The following IST1 variants were observed in gnomAD, a reference collection of about 807,000 sequenced individuals.
IST1 encodes IST1 homolog.
In IST1, 23 loss-of-function variants were observed where a neutral mutation model predicts 37.0. That is an observed-to-expected ratio of 0.62 (90% CI 0.45 to 0.88). The LOEUF (loss-of-function observed/expected upper bound fraction) is 0.88, where lower values mean the gene tolerates loss of function less well. Ranked by LOEUF, IST1 falls within the 40% of genes least tolerant of loss-of-function variation. The pLI, the probability that IST1 is intolerant of heterozygous loss-of-function variation, is 0.00. For missense variants in IST1, 488 were observed against 445.4 expected (o/e 1.10, Z -0.86); for synonymous variants, 180 against 161.7 (o/e 1.11, Z -0.86).
At chr16:71,897,846 G>A (rs2037010219) in intron 1 of IST1, among the ~76,000 whole-genome samples, 2 of 152,184 alleles carry the variant, frequency 1.3e-5, no homozygotes, top group South Asian at 4.1e-4. Context: ...TCCAAAGGCT[G>A]AGGTAGGAGA....
intron 1 of IST1, among the ~76,000 whole-genome samples, chr16:71,899,986 G>A (rs1201291471): frequency 7.7e-6 from 1 of 129,464 alleles, no homozygotes; most frequent in Non-Finnish European, 1.6e-5. Flanking sequence ...GACAGAACAA[G>A]ACTCTGTCTC....
chr16:71,906,148 C>T (rs1168304734), intron 1 of IST1, among the ~76,000 whole-genome samples: 8 of 151,296 alleles, frequency 5.3e-5, no homozygotes, highest in African/African-American at 7.3e-5. Context: ...AGACTACAGG[C>T]GAGTGCCACT....
intron 1 of IST1, among the ~76,000 whole-genome samples, chr16:71,896,596 CT>C (rs1190405632): frequency 6.6e-6 from 1 of 151,964 alleles, no homozygotes; most frequent in African/African-American, 2.4e-5. Context: ...CAGTAGAAGC[CT>C]TTTGGCTTTT....
intron 6 of IST1, 102 bp downstream of exon 6, chr16:71,921,555 T>A (rs2037585516): frequency 2.8e-6 from 2 of 708,720 alleles, no homozygotes; most frequent in Admixed American, 4.8e-5. Context: ...TTGTGTGAGT[T>A]TAAGCCTTTG....
Position 71,929,502 on chromosome 16 carries a change from G to C in IST1, c.*1689G>C. ...GCCATGCAAAGATAAGTAGTAATAC[G>C]CTAATAAATACTAAGCCAAGTAGGA... On this transcript the variant is annotated 3_prime_UTR_variant, in exon 10 of 10. Transcript: ENST00000378799. 2.0e-6 allele frequency: 3 copies of C among 1,515,580 alleles called. No individual in the cohort carries two copies. Among genetic ancestry groups the C allele is most frequent in the East Asian group, 2.5e-5 (1 of 40,526 alleles). The allele number at this position is 1,515,580 out of a possible 1,614,324, so 93.9% of individuals were successfully genotyped here.
At chr16:71,899,138 T>G (rs183860922) in intron 1 of IST1, among the ~76,000 whole-genome samples, 13 of 152,344 alleles carry the variant, frequency 8.5e-5, no homozygotes, top group Non-Finnish European at 1.5e-5. Context: ...TCTGAAGCCT[T>G]ATTTTCTTGT....
chr16:71,905,627 G>T (rs1014352486), intron 1 of IST1, among the ~76,000 whole-genome samples: 3 of 152,128 alleles, frequency 2.0e-5, no homozygotes, highest in East Asian at 3.9e-4. Context: ...CGATCCACCT[G>T]CCTTGGCCTT....
chr16:71,902,202 T>G (rs1025973855), intron 1 of IST1, among the ~76,000 whole-genome samples: 1 of 152,192 alleles, frequency 6.6e-6, no homozygotes, highest in Admixed American at 6.5e-5. Flanking sequence ...TCCTCAGATG[T>G]TTGATAGAAT....
chr16:71,896,529 A>AT (rs1159684230), intron 1 of IST1, among the ~76,000 whole-genome samples: 1 of 151,930 alleles, frequency 6.6e-6, no homozygotes, highest in Non-Finnish European at 1.5e-5. Context: ...CTATGTCTGT[A>AT]TTTTTCTAAT....
rs1316426347 is a variant in IST1, at chr16:71,929,765, A to AAATT, written c.*1954_*1957dup. ...AAAAAAAGTACCAAAGATTTTTAAA[A>AAATT]AATTAGTAAATGTAAAGATACTATT... On this transcript the variant is annotated 3_prime_UTR_variant, in exon 10 of 10. Transcript: ENST00000378799. 1 of 1,249,988 alleles carries AAATT rather than the reference A, an allele frequency of 8.0e-7. No homozygotes were observed. The highest frequency in any genetic ancestry group is 1.1e-6 in the Non-Finnish European group (1 of 914,552). The allele number at this position is 1,249,988 out of a possible 1,614,324, so 77.4% of individuals were successfully genotyped here. A position where few individuals can be genotyped will look rare whatever the true frequency, so the allele number is the denominator to read the frequency against.
rs192893476 is a variant in IST1 at position 71,930,860 on chromosome 16, T to A, written c.*3047T>A. 1 of 152,342 alleles carries A rather than the reference T, an allele frequency of 6.6e-6. No individual in the cohort carries two copies. The highest frequency in any genetic ancestry group is 6.5e-5 in the Admixed American group (1 of 15,294). 9.4% of individuals were successfully genotyped at this position (152,342 alleles called of 1,614,324 possible). On this transcript the variant is annotated 3_prime_UTR_variant, in exon 10 of 10. Coordinates refer to ENST00000378799, the MANE Select transcript of IST1 (RefSeq NM_001270975.2). ...CCATTCATTGTTGCCACTAGGGCAC[T>A]GTTTAAAAATATCCCAACAGAGGGG...
chr16:71,902,099 A>G (rs1214233575), intron 1 of IST1, among the ~76,000 whole-genome samples: 2 of 152,214 alleles, frequency 1.3e-5, no homozygotes, highest in African/African-American at 4.8e-5. Context: ...CTGTGTACAT[A>G]TAACACAATG....
intron 3 of IST1, 34 bp downstream of exon 3, chr16:71,916,676 T>A: frequency 3.2e-6 from 5 of 1,568,764 alleles, no homozygotes; most frequent in Non-Finnish European, 4.4e-6. Flanking sequence ...CTAAATCATT[T>A]CTGGAATTTG....
chr16:71,921,549 G>C, intron 6 of IST1, 96 bp downstream of exon 6: 1 of 726,974 alleles, frequency 1.4e-6, no homozygotes, highest in Non-Finnish European at 2.4e-6. Flanking sequence ...TTAAATTTGT[G>C]TGAGTTTAAG....
chr16:71,922,192 G>T (rs567067890), intron 6 of IST1, among the ~76,000 whole-genome samples: 1 of 151,894 alleles, frequency 6.6e-6, no homozygotes, highest in Admixed American at 6.6e-5. Flanking sequence ...TGGATGCTTT[G>T]GTGTGTACTG....
rs904184298 is a variant in IST1, at chr16:71,929,979, C to T, written c.*2166C>T. 1 of 1,425,756 alleles carries T rather than the reference C, an allele frequency of 7.0e-7. No homozygotes were observed. Among genetic ancestry groups the T allele is most frequent in the Non-Finnish European group, 9.4e-7 (1 of 1,065,194 alleles). 88.3% of individuals were successfully genotyped at this position (1,425,756 alleles called of 1,614,324 possible). On this transcript the variant is annotated 3_prime_UTR_variant, in exon 10 of 10. Transcript: ENST00000378799. ...TGCATTATAAATTATGTCAGCCCGTCATCTTAGGGGCAGTTACAGTGGAGC... is the reference window on the plus strand; with the variant it reads ...TGCATTATAAATTATGTCAGCCCGTTATCTTAGGGGCAGTTACAGTGGAGC...
chr16:71,911,548 C>T (rs2037354184), intron 1 of IST1, among the ~76,000 whole-genome samples: 1 of 151,770 alleles, frequency 6.6e-6, no homozygotes, highest in African/African-American at 2.4e-5. Context: ...AAACAAAACA[C>T]CAAAAAACAA....
chr16:71,914,143 A>G (rs913636189), intron 1 of IST1, among the ~76,000 whole-genome samples: 1 of 148,564 alleles, frequency 6.7e-6, no homozygotes, highest in Non-Finnish European at 1.5e-5. Context: ...AGTAGAATAC[A>G]GGTTCATTTG....
chr16:71,920,686 A>T (rs1351494155), intron 4 of IST1, 53 bp from the exon 5 acceptor site: 1 of 1,293,152 alleles, frequency 7.7e-7, no homozygotes, highest in Non-Finnish European at 1.1e-6. Context: ...AGAAGCTTAA[A>T]GCAGTCCGTT....
Sources: gnomAD v4.1 joint callset for allele counts (sites outside exome capture counted in the v4.1 genomes callset) on GRCh38, gnomAD v4.1.1 for gene constraint, MANE v1.5 for transcripts, NCBI Gene and HGNC (gene_info 2026-07-23, HGNC 2026-07-21) for gene names.